Variants in TLL1 observed in about 807,000 individuals in gnomAD.
TLL1 encodes tolloid-like protein 1.
In TLL1, 49 loss-of-function variants were observed where a neutral mutation model predicts 128.2. That is an observed-to-expected ratio of 0.38 (90% CI 0.30 to 0.48). TLL1 has a LOEUF of 0.48. Ranked by LOEUF, TLL1 falls within the 20% of genes least tolerant of loss-of-function variation. The probability of loss-of-function intolerance (pLI) is 0.96; values close to 1 mark genes in which losing one functional copy is unlikely to be tolerated. For synonymous variants in TLL1, 454 were observed against 418.8 expected, an observed-to-expected ratio of 1.08 and a Z score of -1.03; for missense variants, 1,123 against 1,242.0, an observed-to-expected ratio of 0.90 and a Z score of 1.44.
intron 1 of TLL1, among the ~76,000 whole-genome samples, chr4:165,951,321 A>G (rs1734504470): frequency 6.6e-6 from 1 of 152,104 alleles, no homozygotes; most frequent in Non-Finnish European, 1.5e-5. Context: ...TCGAATGAGA[A>G]AAATAGTGGC....
At chr4:166,035,772 T>C (rs911067298) in intron 9 of TLL1, among the ~76,000 whole-genome samples, 2 of 152,146 alleles carry the variant, frequency 1.3e-5, no homozygotes, top group Non-Finnish European at 2.9e-5. Context: ...TTGTCACAAA[T>C]ACTGATTTCT....
rs1463646191 is a variant in TLL1, at chr4:166,060,099, C to G, written c.1918C>G (p.Pro640Ala). The G allele has an allele frequency of 2.5e-6, 4 of 1,613,710 alleles. No individual in the cohort carries two copies. The East Asian group carries it at 8.9e-5, about 36-fold the overall frequency. The change falls in exon 15 of 21, where the codon CCT (proline) becomes GCT (alanine). Residue 640 changes from proline (P) to alanine (A), a missense_variant. By Grantham distance (27) the Pro-to-Ala change is conservative (BLOSUM62 -1). Around this residue, in one of 3 missense-constraint regions of TLL1, gnomAD observed 634 missense variants for 672.4 expected, o/e 0.94. Coordinates refer to ENST00000061240, the MANE Select transcript of TLL1 (RefSeq NM_012464.5). Reference protein sequence around the residue: ...TTPGWPKEYPPNKNCVWQVVA... With the variant: ...TTPGWPKEYPANKNCVWQVVA... ...CCCTGGCTGGCCCAAGGAGTACCCT[C>G]CTAATAAGAACTGTGTGTGGCAAGT... is the stretch of plus-strand genomic sequence containing the variant.
rs549495683 is a variant in TLL1 at position 165,911,010 on chromosome 4, T to G, written c.169+36937T>G. ...GGGGCATTTAGGATATCCATCACTT[T>G]GAGCATTTATCATTTCTATGTGTGG... On this transcript the variant is annotated intron_variant, in intron 1 of 20. Transcript: ENST00000061240. 3.3e-5 allele frequency among the ~76,000 whole-genome samples: 5 copies of G among 152,336 alleles called. No homozygotes were observed. In the South Asian group the frequency reaches 1.0e-3, roughly 32 times the overall value.
At chr4:165,994,073 C>T (rs917516343) in intron 3 of TLL1, among the ~76,000 whole-genome samples, 1 of 152,032 alleles carries the variant, frequency 6.6e-6, no homozygotes. Context: ...AGACATGAAA[C>T]AGAAAACAAA....
intron 19 of TLL1, among the ~76,000 whole-genome samples, chr4:166,095,974 C>G (rs142884548): frequency 6.6e-6 from 1 of 152,108 alleles, no homozygotes; most frequent in East Asian, 1.9e-4. Context: ...TTTAAAATGA[C>G]CTATTACAAT....
intron 1 of TLL1, among the ~76,000 whole-genome samples, chr4:165,944,191 T>C (rs1217722598): frequency 6.6e-6 from 1 of 152,166 alleles, no homozygotes; most frequent in Non-Finnish European, 1.5e-5. Context: ...ATTCTATTGC[T>C]CTTTTAAGCA....
At chr4:165,966,177 CAAAAAAAAAAA>C (rs35017995) in intron 1 of TLL1, among the ~76,000 whole-genome samples, 1 of 116,226 alleles carries the variant, frequency 8.6e-6, no homozygotes, top group Admixed American at 8.8e-5. Context: ...GACTCCATCT[CAAAAAAAAAAA>C]AAAAAAAAGA....
chr4:165,944,334 A>G (rs1369759995), intron 1 of TLL1, among the ~76,000 whole-genome samples: 1 of 152,172 alleles, frequency 6.6e-6, no homozygotes, highest in Non-Finnish European at 1.5e-5. Context: ...AAACAATGTA[A>G]GAAAAAGAAA....
At chr4:166,026,327 G>A (rs774404956) in intron 9 of TLL1, among the ~76,000 whole-genome samples, 4 of 151,930 alleles carry the variant, frequency 2.6e-5, no homozygotes, top group Non-Finnish European at 5.9e-5. Flanking sequence ...CAGGGAGAGT[G>A]CAGTGAGCTG....
intron 13 of TLL1, among the ~76,000 whole-genome samples, chr4:166,056,971 G>T (rs1740039636): frequency 6.6e-6 from 1 of 152,052 alleles, no homozygotes; most frequent in Non-Finnish European, 1.5e-5. Flanking sequence ...TTTTTAGAAA[G>T]ATTTACGCCC....
chr4:166,069,771 T>A (rs1399015124), intron 16 of TLL1, among the ~76,000 whole-genome samples: 2 of 151,744 alleles, frequency 1.3e-5, no homozygotes, highest in Non-Finnish European at 3.0e-5. Context: ...AACTCTCATC[T>A]ATCAATTCTG....
chr4:165,895,350 A>G (rs1011800419), intron 1 of TLL1, among the ~76,000 whole-genome samples: 2 of 152,180 alleles, frequency 1.3e-5, no homozygotes, highest in African/African-American at 4.8e-5. Context: ...TCACTTCTAT[A>G]TAATGAGTGA....
In TLL1 at chr4:165,944,885, G is replaced by A. The variant is rs1343567588; in HGVS notation, c.170-44496G>A. Among the ~76,000 whole-genome samples, 3 of 152,274 alleles carry A rather than the reference G, an allele frequency of 2.0e-5. No homozygotes were observed. The East Asian group carries it at 5.8e-4, about 29-fold the overall frequency. ...GGAAGATGTCTGAGACATCCAAGTAGAGATATCAATTAGGCAGTGGATATG... is the reference window on the plus strand; with the variant it reads ...GGAAGATGTCTGAGACATCCAAGTAAAGATATCAATTAGGCAGTGGATATG... On this transcript the variant is annotated intron_variant, in intron 1 of 20. Coordinates refer to ENST00000061240, the MANE Select transcript of TLL1 (RefSeq NM_012464.5).
intron 1 of TLL1, among the ~76,000 whole-genome samples, chr4:165,874,636 C>T (rs1016356548): frequency 6.6e-6 from 1 of 152,234 alleles, no homozygotes; most frequent in Non-Finnish European, 1.5e-5. Flanking sequence ...GAACTCACTT[C>T]TAGATGGGAT....
chr4:166,023,457 G>A (rs936910463), intron 8 of TLL1, among the ~76,000 whole-genome samples: 1 of 152,178 alleles, frequency 6.6e-6, no homozygotes, highest in South Asian at 2.1e-4. Context: ...TCAATGAACA[G>A]TCTAAGTAAG....
intron 1 of TLL1, among the ~76,000 whole-genome samples, chr4:165,890,589 C>G (rs751771804): frequency 6.6e-6 from 1 of 152,214 alleles, no homozygotes; most frequent in Non-Finnish European, 1.5e-5. Flanking sequence ...TCTTATAGCT[C>G]TGAAATGATC....
chr4:166,041,363 C>A (rs1306324919), intron 10 of TLL1, among the ~76,000 whole-genome samples: 1 of 148,630 alleles, frequency 6.7e-6, no homozygotes, highest in African/African-American at 2.5e-5. Context: ...TGCAGTGGTG[C>A]CATCTCGGCT....
rs1168950763 is a variant in TLL1 at position 166,065,798 on chromosome 4, T to C, written c.2123T>C (p.Met708Thr). 2 of 1,612,998 alleles carry C rather than the reference T, an allele frequency of 1.2e-6. No homozygotes were observed. Among genetic ancestry groups the C allele is most frequent in the Non-Finnish European group, 1.7e-6 (2 of 1,179,290 alleles). ...GTGATCACATCCCAGTTCAACAATA[T>C]GAGAATTGAATTCAAATCTGACAAT... Reference protein sequence around the residue: ...PEVITSQFNNMRIEFKSDNTV... With the variant: ...PEVITSQFNNTRIEFKSDNTV... Residue 708 changes from methionine to threonine, a missense_variant, in exon 16 of 21, where the codon ATG (methionine) becomes ACG (threonine). Coordinates refer to ENST00000061240, the MANE Select transcript of TLL1 (RefSeq NM_012464.5).
chr4:166,101,058 C>G lies in TLL1; in HGVS notation c.*182C>G, dbSNP rs180980159. 3 of 702,150 alleles carry G rather than the reference C, an allele frequency of 4.3e-6. No individual in the cohort carries two copies. In the East Asian group the frequency reaches 8.8e-5, roughly 21 times the overall value. The allele number at this position is 702,150 out of a possible 1,614,324, so 43.5% of individuals were successfully genotyped here. Reference sequence around the variant, plus strand: ...TCCAGCAAAACCCTCATCAGCATTACAAGGATATTTGAACTCCATGCTTGA... The same window carrying G: ...TCCAGCAAAACCCTCATCAGCATTAGAAGGATATTTGAACTCCATGCTTGA... On this transcript the variant is annotated 3_prime_UTR_variant, in exon 21 of 21. Transcript: ENST00000061240.
Sources: allele counts gnomAD v4.1 joint callset (sites outside exome capture counted in the v4.1 genomes callset), GRCh38; gene constraint gnomAD v4.1.1; regional missense constraint gnomAD v4.1.1; transcripts MANE v1.5; gene names NCBI Gene and HGNC (gene_info 2026-07-23, HGNC 2026-07-21).